TYW3: variants seen among roughly 807,000 people sequenced by gnomAD.
TYW3 encodes the protein tRNA-yW synthesizing protein 3 homolog.
A neutral mutation model predicts 23.1 loss-of-function variants in TYW3; 26 were observed. That is an observed-to-expected ratio of 1.13 (90% confidence interval 0.83 to 1.56). The LOEUF is 1.56. TYW3 is among the 40% of genes most tolerant of loss of function. TYW3 has a pLI of 0.00. For synonymous variants in TYW3, 102 were observed against 105.7 expected (o/e 0.97, Z 0.21); for missense variants, 316 against 311.9 (o/e 1.01, Z -0.10).
chr1:74,763,282 A>T (rs1053725098), intron 5 of TYW3, among the ~76,000 whole-genome samples: 1 of 152,134 alleles, frequency 6.6e-6, no homozygotes, highest in Non-Finnish European at 1.5e-5. Context: ...CTCACATCAC[A>T]TCATTTTCAA....
At chr1:74,743,216 G>T (rs181294633) in intron 3 of TYW3, among the ~76,000 whole-genome samples, 6 of 152,242 alleles carry the variant, frequency 3.9e-5, no homozygotes, top group African/African-American at 1.4e-4. Flanking sequence ...GCCCCACCGG[G>T]TGATTGGCCT....
intron 5 of TYW3, among the ~76,000 whole-genome samples, chr1:74,755,466 G>A (rs405445): frequency 0.23 from 35,059 of 152,024 alleles, 4,194 homozygotes; most frequent in Middle Eastern, 0.3. Context: ...ATTTTACTTC[G>A]TTAATGTAGG....
At chr1:74,758,867 T>C (rs1318644807) in intron 5 of TYW3, among the ~76,000 whole-genome samples, 1 of 152,122 alleles carries the variant, frequency 6.6e-6, no homozygotes, top group Non-Finnish European at 1.5e-5. Context: ...ACTTGAGATA[T>C]CTTATCCTAC....
At chr1:74,744,937 C>T (rs1441187738) in intron 3 of TYW3, among the ~76,000 whole-genome samples, 1 of 151,788 alleles carries the variant, frequency 6.6e-6, no homozygotes, top group Non-Finnish European at 1.5e-5. Flanking sequence ...TTCATGGTCT[C>T]GCTGACTTCA....
chr1:74,751,063 T>G (rs1648768614), intron 4 of TYW3: 1 of 152,092 alleles, frequency 6.6e-6, no homozygotes, highest in Non-Finnish European at 1.5e-5. Context: ...CCATCTTCCT[T>G]GGCCTCCCAA....
chr1:74,743,329 T>A (rs1392306978), intron 3 of TYW3, among the ~76,000 whole-genome samples: 3 of 152,120 alleles, frequency 2.0e-5, no homozygotes, highest in Non-Finnish European at 4.4e-5. Context: ...TTGGGCCTGT[T>A]CCTCTTGGTC....
In TYW3 at chr1:74,748,614, C is replaced by T. The variant is rs536608445; in HGVS notation, c.355-137C>T. 6.8e-5 allele frequency: 48 copies of T among 705,820 alleles called. No homozygotes were observed. In the East Asian group the frequency reaches 7.3e-4, roughly 11 times the overall value. 43.7% of individuals were successfully genotyped at this position (705,820 alleles called of 1,614,324 possible). A position where few individuals can be genotyped will look rare whatever the true frequency, so the allele number is the denominator to read the frequency against. On this transcript the variant is annotated intron_variant, in intron 3 of 5. Transcript: ENST00000370867. ...ATCAAAGTCATTTTTAAGCATAGTC[C>T]GTATTGGCTAGACGAAAAATTTTTT...
At chr1:74,748,099 C>T (rs1461022844) in intron 3 of TYW3, among the ~76,000 whole-genome samples, 1 of 151,740 alleles carries the variant, frequency 6.6e-6, no homozygotes, top group Non-Finnish European at 1.5e-5. Context: ...TGGCCTCTAC[C>T]CACTATTTGC....
At chr1:74,741,805 C>T (rs1459487968) in intron 3 of TYW3, among the ~76,000 whole-genome samples, 1 of 152,130 alleles carries the variant, frequency 6.6e-6, no homozygotes, top group Non-Finnish European at 1.5e-5. Context: ...AAAGAGTAGG[C>T]CATGGGAGAT....
At chr1:74,758,362 C>G (rs1649020056) in intron 5 of TYW3, among the ~76,000 whole-genome samples, 1 of 152,218 alleles carries the variant, frequency 6.6e-6, no homozygotes, top group Non-Finnish European at 1.5e-5. Flanking sequence ...ATGTTTCTTA[C>G]CTTATTCTAA....
intron 5 of TYW3, among the ~76,000 whole-genome samples, chr1:74,761,222 C>G (rs1649128225): frequency 6.6e-6 from 1 of 152,030 alleles, no homozygotes; most frequent in Non-Finnish European, 1.5e-5. Context: ...TTAAAGTTCT[C>G]TTAGAAAAGG....
In TYW3 at chr1:74,733,343, T is replaced by C; in HGVS notation, c.99T>C (p.Leu33=). ...KGSVDEDVVE[L]VQFLNMRDQF... ...GTGTTGACGAGGATGTGGTAGAGCT[T>C]GTGCAGTTTCTGAACATGCGAGATC... Residue 33 remains leucine (L), a synonymous_variant, in exon 1 of 6, where the codon CTT becomes CTC. Transcript: ENST00000370867. The C allele has an allele frequency of 1.9e-6, 3 of 1,614,170 alleles. No individual in the cohort carries two copies. The highest frequency in any genetic ancestry group is 2.5e-6 in the Non-Finnish European group (3 of 1,180,026).
intron 1 of TYW3, 179 bp downstream of exon 1, chr1:74,733,597 G>A (rs1430216036): frequency 1.0e-6 from 1 of 969,552 alleles, no homozygotes; most frequent in Admixed American, 6.2e-5. Context: ...AGTTTAACGT[G>A]GCTATTAATC....
intron 3 of TYW3, among the ~76,000 whole-genome samples, chr1:74,744,776 G>T (rs193287496): frequency 2.0e-5 from 3 of 152,272 alleles, no homozygotes; most frequent in African/African-American, 4.8e-5. Flanking sequence ...TCCGGAGTTT[G>T]TTCCTGCAGA....
chr1:74,764,624 A>G lies in TYW3; in HGVS notation c.*511A>G, dbSNP rs925225449. 1 of 152,474 alleles carries G rather than the reference A, an allele frequency of 6.6e-6. No homozygotes were observed. Among genetic ancestry groups the G allele is most frequent in the African/African-American group, 2.4e-5 (1 of 41,584 alleles). 9.4% of individuals were successfully genotyped at this position (152,474 alleles called of 1,614,324 possible). A position where few individuals can be genotyped will look rare whatever the true frequency, so the allele number is the denominator to read the frequency against. On this transcript the variant is annotated 3_prime_UTR_variant, in exon 6 of 6. Transcript: ENST00000370867. ...TAAACTAAATTAATGATGTAAATAC[A>G]TAGTTTTAAACATTCTTTTAGGGAC...
At chr1:74,754,102 A>G (rs985293229) in intron 5 of TYW3, among the ~76,000 whole-genome samples, 4 of 152,210 alleles carry the variant, frequency 2.6e-5, no homozygotes, top group South Asian at 2.1e-4. Flanking sequence ...GTACCATTCC[A>G]TAAGTTTACC....
At chr1:74,735,040 ACT>A (rs958934431) in intron 1 of TYW3, among the ~76,000 whole-genome samples, 2 of 151,750 alleles carry the variant, frequency 1.3e-5, no homozygotes, top group African/African-American at 2.4e-5. Flanking sequence ...TTGCCCACAA[ACT>A]CTCTCTTGCC....
rs1251772927 is a variant in TYW3, at chr1:74,741,476, G to A, written c.354+2688G>A. On this transcript the variant is annotated intron_variant, in intron 3 of 5. Coordinates refer to ENST00000370867, the MANE Select transcript of TYW3 (RefSeq NM_138467.3). ...AGATTCCACTCCTGCCATCTTAACT[G>A]CAGTGGGGGTAGAGAGGATTACCGA... 3.9e-5 allele frequency among the ~76,000 whole-genome samples: 6 copies of A among 152,128 alleles called. No individual in the cohort carries two copies. The South Asian group carries it at 6.2e-4, about 16-fold the overall frequency.
At position 74,765,455 on chromosome 1, in the gene TYW3, C is replaced by CGAA. The variant is rs1370745900; in HGVS notation, c.*1344_*1346dup. ...CCTAGATGACAATGTCAGTGGCACT[C>CGAA]GAAGTTGTGCAGTGCACATTCTTAT... On this transcript the variant is annotated 3_prime_UTR_variant, in exon 6 of 6. Transcript: ENST00000370867. 1.3e-5 allele frequency: 2 copies of CGAA among 152,062 alleles called. No homozygotes were observed. Among genetic ancestry groups the CGAA allele is most frequent in the African/African-American group, 4.8e-5 (2 of 41,422 alleles). 9.4% of individuals were successfully genotyped at this position (152,062 alleles called of 1,614,324 possible). A position where few individuals can be genotyped will look rare whatever the true frequency, so the allele number is the denominator to read the frequency against.
Sources: gnomAD v4.1 joint callset for allele counts (sites outside exome capture counted in the v4.1 genomes callset) on GRCh38, gnomAD v4.1.1 for gene constraint, MANE v1.5 for transcripts, NCBI Gene and HGNC (gene_info 2026-07-23, HGNC 2026-07-21) for gene names.